The following ZFHX3 variants were observed in gnomAD, a reference collection of about 807,000 sequenced individuals.
ZFHX3 encodes the protein zinc finger homeobox protein 3.
A neutral mutation model predicts 279.1 loss-of-function variants in ZFHX3; 42 were observed. That is an observed-to-expected ratio of 0.15 (90% CI 0.12 to 0.19). The LOEUF (loss-of-function observed/expected upper bound fraction) is 0.19, where lower values mean the gene tolerates loss of function less well. Among genes scored for constraint, ZFHX3 ranks in the 10% least tolerant of loss-of-function variants. The probability of loss-of-function intolerance (pLI) is 1.00; values close to 1 mark genes in which losing one functional copy is unlikely to be tolerated. For missense variants in ZFHX3, 4,981 were observed against 4,754.0 expected, an observed-to-expected ratio of 1.05 and a Z score of -1.40; for synonymous variants, 2,293 against 1,957.8, an observed-to-expected ratio of 1.17 and a Z score of -4.52.
intron 2 of ZFHX3, among the ~76,000 whole-genome samples, chr16:73,500,742 T>C (rs1029160645): frequency 4.0e-5 from 6 of 151,284 alleles, no homozygotes; most frequent in Admixed American, 1.3e-4. Flanking sequence ...GAAAATACTT[T>C]TGTATAGCTT....
At position 72,960,076 on chromosome 16, in the gene ZFHX3, A is replaced by G. The variant is rs1193072573; in HGVS notation, c.70T>C (p.Trp24Arg). ...AGGTGGGTGCTGTTGAGTTCAGTCC[A>G]TTGCTGGTGCTGAGGGATACCGCAC... Reference protein sequence around the residue: ...NGCGIPQHQQWTELNSTHLPD... With the variant: ...NGCGIPQHQQRTELNSTHLPD... The change falls in exon 2 of 10, where the codon TGG (tryptophan) becomes CGG (arginine). Residue 24 changes from tryptophan (W) to arginine (R), a missense_variant. Trp to Arg is a moderately radical substitution (Grantham distance 101, BLOSUM62 -3). This residue lies in a region of ZFHX3 where 1,068 missense variants were observed against 935.2 expected (regional missense o/e 1.14). Transcript: ENST00000268489. 3 of 1,613,300 alleles carry G rather than the reference A, an allele frequency of 1.9e-6. No individual in the cohort carries two copies. Among genetic ancestry groups the G allele is most frequent in the South Asian group, 2.2e-5 (2 of 90,942 alleles).
chr16:73,463,950 A>G (rs1017302282), intron 2 of ZFHX3, among the ~76,000 whole-genome samples: 2 of 152,168 alleles, frequency 1.3e-5, no homozygotes, highest in Non-Finnish European at 2.9e-5. Flanking sequence ...TATTTATTAA[A>G]ACGTCTACCA....
In ZFHX3 at chr16:72,861,055, C is replaced by T. The variant is rs181681384; in HGVS notation, c.3448+28676G>A. On this transcript the variant is annotated intron_variant, in intron 4 of 9. Coordinates refer to ENST00000268489, the MANE Select transcript of ZFHX3 (RefSeq NM_006885.4). Reference sequence around the variant, plus strand: ...AACGGGTCAGCAGATGCTTTTCTCACGCACCTTCCCTCTCCCATGCAAATG... The same window carrying T: ...AACGGGTCAGCAGATGCTTTTCTCATGCACCTTCCCTCTCCCATGCAAATG... Among the ~76,000 whole-genome samples the T allele has an allele frequency of 1.9e-4, 29 of 152,270 alleles. No homozygotes were observed. In the East Asian group the frequency reaches 4.6e-3, roughly 24 times the overall value.
intron 1 of ZFHX3, among the ~76,000 whole-genome samples, chr16:73,767,228 C>T (rs922466014): frequency 6.6e-6 from 1 of 152,132 alleles, no homozygotes; most frequent in Non-Finnish European, 1.5e-5. Context: ...TGAGCCACTG[C>T]GCCCAGCCTT....
intron 1 of ZFHX3, among the ~76,000 whole-genome samples, chr16:73,018,402 T>G (rs112374619): frequency 0.092 from 13,915 of 151,986 alleles, 1,244 homozygotes; most frequent in East Asian, 0.3. Context: ...GGTCAAGAGA[T>G]CGAGACCATC....
At chr16:73,052,101 C>G (rs1449467466), upstream of ZFHX3, among the ~76,000 whole-genome samples, 1 of 151,906 alleles carries the variant, frequency 6.6e-6, no homozygotes, top group African/African-American at 2.4e-5. Flanking sequence ...CGGTCTGATG[C>G]TAACCACTGA....
chr16:72,895,807 G>T (rs953281076), intron 3 of ZFHX3, among the ~76,000 whole-genome samples: 2 of 152,200 alleles, frequency 1.3e-5, no homozygotes, highest in African/African-American at 4.8e-5. Context: ...CTGGCTCACA[G>T]AGTGAGACCC....
intron 4 of ZFHX3, among the ~76,000 whole-genome samples, chr16:72,868,548 C>G (rs1484479505): frequency 1.3e-5 from 2 of 152,234 alleles, no homozygotes; most frequent in Non-Finnish European, 2.9e-5. Flanking sequence ...CCAGGTCCCC[C>G]AGATCTCAGG....
At chr16:73,319,577 C>A (rs1400005888) in intron 3 of ZFHX3, among the ~76,000 whole-genome samples, 1 of 151,814 alleles carries the variant, frequency 6.6e-6, no homozygotes, top group Admixed American at 6.6e-5. Context: ...TTGGTTAAGT[C>A]CAAATGCCAC....
intron 7 of ZFHX3, among the ~76,000 whole-genome samples, chr16:72,804,352 T>C (rs1050719072): frequency 6.6e-6 from 1 of 152,218 alleles, no homozygotes; most frequent in African/African-American, 2.4e-5. Context: ...AAAAGGCTTA[T>C]GATGCAGAAT....
intron 2 of ZFHX3, among the ~76,000 whole-genome samples, chr16:73,637,560 A>G (rs1473733200): frequency 6.6e-6 from 1 of 152,092 alleles, no homozygotes; most frequent in African/African-American, 2.4e-5. Context: ...AGACAGGTTG[A>G]AAAGAATGTG....
intron 5 of ZFHX3, among the ~76,000 whole-genome samples, chr16:73,222,501 T>C (rs2144921891): frequency 6.6e-6 from 1 of 152,214 alleles, no homozygotes; most frequent in African/African-American, 2.4e-5. Context: ...TACCTAGGTA[T>C]AAAATTAACA....
intron 1 of ZFHX3, among the ~76,000 whole-genome samples, chr16:73,869,068 T>C (rs1194259436): frequency 6.6e-6 from 1 of 152,194 alleles, no homozygotes; most frequent in Non-Finnish European, 1.5e-5. Context: ...TCCAGGTCAC[T>C]ATTCTTTAAG....
chr16:73,890,324 C>T (rs2030492765), intron 1 of ZFHX3, among the ~76,000 whole-genome samples: 1 of 151,284 alleles, frequency 6.6e-6, no homozygotes, highest in Admixed American at 6.6e-5. Context: ...GTGTTGCATA[C>T]AAAATAGCCA....
intron 3 of ZFHX3, among the ~76,000 whole-genome samples, chr16:72,934,270 C>CA (rs1273900857): frequency 1.3e-5 from 2 of 151,804 alleles, no homozygotes; most frequent in Non-Finnish European, 2.9e-5. Context: ...GTTAAAAATA[C>CA]AAAAAAAGTT....
At chr16:73,060,013 G>C (rs1965660584), upstream of ZFHX3, among the ~76,000 whole-genome samples, 1 of 152,092 alleles carries the variant, frequency 6.6e-6, no homozygotes, top group African/African-American at 2.4e-5. Flanking sequence ...GGACTTAAGA[G>C]AAAAGTAAAA....
At chr16:72,984,625 CA>C (rs60014247) in intron 1 of ZFHX3, among the ~76,000 whole-genome samples, 21,729 of 132,476 alleles carry the variant, frequency 0.16, 1,709 homozygotes, top group Non-Finnish European at 0.2. Context: ...GACTCTGACT[CA>C]AAAAAAAAAA....
At chr16:73,686,961 G>T (rs373121233) in intron 1 of ZFHX3, among the ~76,000 whole-genome samples, 14 of 137,400 alleles carry the variant, frequency 1.0e-4, no homozygotes. Context: ...GAGCTTAACC[G>T]GTAGCACCAC....
At chr16:72,982,475 T>C (rs117843490) in intron 1 of ZFHX3, among the ~76,000 whole-genome samples, 1 of 152,316 alleles carries the variant, frequency 6.6e-6, no homozygotes, top group East Asian at 1.9e-4. Context: ...ACCTACCTGC[T>C]GCATGCCTAA....
Sources: gnomAD v4.1 joint callset for allele counts (sites outside exome capture counted in the v4.1 genomes callset) on GRCh38, gnomAD v4.1.1 for gene constraint, gnomAD v4.1.1 regional missense constraint, MANE v1.5 for transcripts, NCBI Gene and HGNC (gene_info 2026-07-23, HGNC 2026-07-21) for gene names.